Variants in HERC6 observed in about 807,000 individuals in gnomAD.
HERC6 encodes the protein HECT and RLD domain containing E3 ubiquitin protein ligase family member 6, also known as probable E3 ubiquitin-protein ligase HERC6.
In HERC6, 101 loss-of-function variants were observed where a neutral mutation model predicts 114.5. That is an observed-to-expected ratio of 0.88 (90% CI 0.75 to 1.04). HERC6 has a LOEUF of 1.04. Ranked by LOEUF, HERC6 falls within the 50% of genes least tolerant of loss-of-function variation. The probability of loss-of-function intolerance (pLI) is 0.00; values close to 1 mark genes in which losing one functional copy is unlikely to be tolerated. For missense variants in HERC6, 1,133 were observed against 1,230.9 expected (o/e 0.92, Z 1.19); for synonymous variants, 408 against 436.2 (o/e 0.94, Z 0.81).
At chr4:88,427,296 G>C (rs1361279094) in intron 15 of HERC6, among the ~76,000 whole-genome samples, 1 of 152,176 alleles carries the variant, frequency 6.6e-6, no homozygotes, top group Non-Finnish European at 1.5e-5. Context: ...TAAGAGGCAG[G>C]TTTCCCATCT....
chr4:88,389,679 G>A lies in HERC6; in HGVS notation c.437-973G>A, dbSNP rs192267128. On this transcript the variant is annotated intron_variant, in intron 3 of 22. Transcript: ENST00000264346. ...TTTTGAAGGTGACCTGGACCGCCCCGCTTGCCTTTAGTTGGGATACTTTAA... is the reference window on the plus strand; with the variant it reads ...TTTTGAAGGTGACCTGGACCGCCCCACTTGCCTTTAGTTGGGATACTTTAA... 1.6e-4 allele frequency among the ~76,000 whole-genome samples: 24 copies of A among 151,352 alleles called. No individual in the cohort carries two copies. In the East Asian group the frequency reaches 1.7e-3, roughly 11 times the overall value.
At chr4:88,440,300 G>T (rs367933993) in intron 22 of HERC6, 50 bp downstream of exon 22, 1 of 1,075,158 alleles carries the variant, frequency 9.3e-7, no homozygotes, top group Non-Finnish European at 1.4e-6. Flanking sequence ...CTTTTAAAAA[G>T]GTACAGTCTT....
At position 88,435,914 on chromosome 4, in the gene HERC6, CA is replaced by C; in HGVS notation, c.2417+24del. ...GAAGTAAGTAAATATAACGTTTTTT[CA>C]GGACCGTATCTAGTAAGTCTCAGTT... On this transcript the variant is annotated intron_variant, in intron 18 of 22. Transcript: ENST00000264346. 2.5e-6 allele frequency: 4 copies of C among 1,573,492 alleles called. No individual in the cohort carries two copies. The South Asian group carries it at 4.7e-5, about 19-fold the overall frequency.
At chr4:88,389,953 G>T (rs1466248568) in intron 3 of HERC6, among the ~76,000 whole-genome samples, 1 of 151,966 alleles carries the variant, frequency 6.6e-6, no homozygotes, top group Non-Finnish European at 1.5e-5. Context: ...GAGGCAGGTG[G>T]ATCACCTGAG....
intron 3 of HERC6, among the ~76,000 whole-genome samples, chr4:88,389,058 A>G (rs1295881084): frequency 6.6e-6 from 1 of 152,218 alleles, no homozygotes; most frequent in Non-Finnish European, 1.5e-5. Flanking sequence ...GTCAGGGAAG[A>G]TATCTCTCAA....
At chr4:88,396,214 T>C in intron 6 of HERC6, 72 bp downstream of exon 6, 1 of 1,253,112 alleles carries the variant, frequency 8.0e-7, no homozygotes, top group Non-Finnish European at 1.1e-6. Flanking sequence ...TAGAAATGAC[T>C]CATATGGAAT....
Position 88,435,724 on chromosome 4 carries a change from G to A in HERC6, c.2251-1G>A. On this transcript the variant is annotated splice_acceptor_variant, in intron 17 of 22. Coordinates refer to ENST00000264346, the MANE Select transcript of HERC6 (RefSeq NM_017912.4). LOFTEE classifies it high-confidence loss of function. ...TTAGGGATTTTTTTCTTCTTTTCTA[G>A]CCTAAACCTGAGAAGAAAAGATATT... 2 of 1,511,908 alleles carry A rather than the reference G, an allele frequency of 1.3e-6. No individual in the cohort carries two copies. The highest frequency in any genetic ancestry group is 1.8e-6 in the Non-Finnish European group (2 of 1,127,336). 93.7% of individuals were successfully genotyped at this position (1,511,908 alleles called of 1,614,324 possible).
chr4:88,422,856 ATTTC>A (rs1355575595), intron 13 of HERC6, among the ~76,000 whole-genome samples: 1 of 152,106 alleles, frequency 6.6e-6, no homozygotes. Context: ...GGGTCTGGAA[ATTTC>A]TTTGTCGGAA....
At chr4:88,398,479 G>T in intron 8 of HERC6, 1 of 275,724 alleles carries the variant, frequency 3.6e-6, no homozygotes. Flanking sequence ...TCATGTAAAT[G>T]CACATACACA....
chr4:88,429,282 A>G (rs754818377), intron 16 of HERC6, among the ~76,000 whole-genome samples: 3 of 152,240 alleles, frequency 2.0e-5, no homozygotes, highest in Non-Finnish European at 4.4e-5. Flanking sequence ...GCAGTCATAA[A>G]GCTGAACCTA....
chr4:88,425,980 A>C (rs1737563071), intron 15 of HERC6, among the ~76,000 whole-genome samples: 1 of 152,218 alleles, frequency 6.6e-6, no homozygotes, highest in Non-Finnish European at 1.5e-5. Context: ...GAACATGCAC[A>C]AGAGAAGCCA....
In HERC6 at chr4:88,379,095, G is replaced by T; in HGVS notation, c.174G>T (p.Arg58Ser). 6.5e-7 allele frequency: 1 copy of T among 1,545,336 alleles called. No individual in the cohort carries two copies. Residue 58 changes from arginine (R) to serine (S), a missense_variant, in exon 1 of 23, where the codon AGG becomes AGT. Around this residue, in one of 3 missense-constraint regions of HERC6, gnomAD observed 735 missense variants for 754.0 expected, o/e 0.97. Transcript: ENST00000264346. ...ACAGCAGGGGTCAGCTGGGCCGCAG[G>T]GGCGCGCAGCGCGGGGAGCTGCCAG... is the stretch of plus-strand genomic sequence containing the variant. ...GDNSRGQLGR[R>S]GAQRGELPEP...
At chr4:88,423,679 G>A (rs1410352414) in intron 13 of HERC6, among the ~76,000 whole-genome samples, 181 bp from the exon 14 acceptor site, 2 of 152,056 alleles carry the variant, frequency 1.3e-5, no homozygotes, top group African/African-American at 4.8e-5. Flanking sequence ...TGAAAATTAA[G>A]GAAATTATAG....
chr4:88,394,200 T>C (rs1426710134), intron 5 of HERC6, among the ~76,000 whole-genome samples: 2 of 152,026 alleles, frequency 1.3e-5, no homozygotes, highest in African/African-American at 2.4e-5. Context: ...AATAGCTGGG[T>C]GTGGTGGCTC....
intron 8 of HERC6, among the ~76,000 whole-genome samples, chr4:88,403,740 C>G (rs1281296495): frequency 1.3e-5 from 2 of 151,298 alleles, no homozygotes; most frequent in Non-Finnish European, 2.9e-5. Flanking sequence ...GGTGACAGAG[C>G]AAGACTCTGT....
intron 3 of HERC6, among the ~76,000 whole-genome samples, chr4:88,386,861 C>G (rs1198534450): frequency 6.6e-6 from 1 of 152,172 alleles, no homozygotes; most frequent in African/African-American, 2.4e-5. Context: ...CTTCCTGCAT[C>G]TCTTAATTCT....
chr4:88,425,236 A>C (rs536250815), intron 15 of HERC6, among the ~76,000 whole-genome samples: 2 of 152,286 alleles, frequency 1.3e-5, no homozygotes, highest in African/African-American at 4.8e-5. Context: ...ATTACCCTCT[A>C]TAGAGTTTGT....
At chr4:88,439,076 A>C (rs182019916) in intron 20 of HERC6, among the ~76,000 whole-genome samples, 68 of 152,344 alleles carry the variant, frequency 4.5e-4, no homozygotes, top group Admixed American at 9.1e-4. Context: ...GCAAAGGAAC[A>C]AAAGGATCAA....
intron 11 of HERC6, among the ~76,000 whole-genome samples, chr4:88,410,660 C>T (rs771219508): frequency 1.5e-4 from 23 of 152,154 alleles, no homozygotes; most frequent in South Asian, 1.2e-3. Flanking sequence ...TTGGGGAACA[C>T]ATTTAGCCTA....
Sources: gnomAD v4.1 joint callset for allele counts (sites outside exome capture counted in the v4.1 genomes callset) on GRCh38, gnomAD v4.1.1 for gene constraint, gnomAD v4.1.1 regional missense constraint, MANE v1.5 for transcripts, NCBI Gene and HGNC (gene_info 2026-07-23, HGNC 2026-07-21) for gene names.